The following DNAH8 variants were observed in gnomAD, a reference collection of about 807,000 sequenced individuals.
The protein encoded by DNAH8 is dynein axonemal heavy chain 8.
Under a neutral mutation model 562.1 loss-of-function variants are expected in DNAH8, and 382 were observed. The observed-to-expected ratio is 0.68, with a 90% confidence interval of 0.63 to 0.74. The LOEUF (loss-of-function observed/expected upper bound fraction) is 0.74, where lower values mean the gene tolerates loss of function less well. Among genes scored for constraint, DNAH8 ranks in the 30% least tolerant of loss-of-function variants. DNAH8 has a pLI of 0.00. For synonymous variants in DNAH8, 1,881 were observed against 1,919.4 expected (o/e 0.98, Z 0.52); for missense variants, 5,203 against 5,620.4 (o/e 0.93, Z 2.37).
chr6:38,814,407 C>G (rs1304328643), intron 25 of DNAH8, among the ~76,000 whole-genome samples: 1 of 152,076 alleles, frequency 6.6e-6, no homozygotes, highest in Non-Finnish European at 1.5e-5. Context: ...ATGGTGAAAC[C>G]CCGTCTCCAC....
At chr6:38,760,483 G>A (rs1678678) in intron 10 of DNAH8, among the ~76,000 whole-genome samples, 2 of 145,748 alleles carry the variant, frequency 1.4e-5, no homozygotes, top group Non-Finnish European at 3.0e-5. Context: ...CATTTATCTT[G>A]TTCTACACTT....
chr6:38,794,443 G>A (rs1358828830), intron 21 of DNAH8, among the ~76,000 whole-genome samples: 3 of 151,844 alleles, frequency 2.0e-5, no homozygotes, highest in African/African-American at 7.3e-5. Context: ...CAAATTTTAA[G>A]TGCACCATTC....
At chr6:38,727,742 C>G (rs1279662845) in intron 3 of DNAH8, among the ~76,000 whole-genome samples, 1 of 152,154 alleles carries the variant, frequency 6.6e-6, no homozygotes, top group South Asian at 2.1e-4. Context: ...AGGACCTTGA[C>G]CAATGCAGAT....
intron 57 of DNAH8, among the ~76,000 whole-genome samples, chr6:38,888,977 T>C (rs1451727643): frequency 6.6e-6 from 1 of 152,264 alleles, no homozygotes; most frequent in Non-Finnish European, 1.5e-5. Flanking sequence ...TATTCTTTTA[T>C]GTTTTCTTCC....
intron 49 of DNAH8, among the ~76,000 whole-genome samples, chr6:38,872,096 G>C (rs955226954): frequency 3.9e-5 from 6 of 152,188 alleles, no homozygotes; most frequent in African/African-American, 1.4e-4. Context: ...CATTCATGAT[G>C]TACTTCTGGG....
chr6:39,029,332 A>C (rs920514616), intron 92 of DNAH8, among the ~76,000 whole-genome samples: 1 of 152,142 alleles, frequency 6.6e-6, no homozygotes, highest in Non-Finnish European at 1.5e-5. Context: ...CATCAAGGCC[A>C]TCCCCTCTAC....
intron 41 of DNAH8, among the ~76,000 whole-genome samples, chr6:38,854,344 G>A (rs536540076): frequency 1.3e-5 from 2 of 152,252 alleles, no homozygotes; most frequent in South Asian, 4.1e-4. Flanking sequence ...GGGATAAAAG[G>A]CAAGAGATAT....
intron 91 of DNAH8, among the ~76,000 whole-genome samples, chr6:39,013,631 T>C (rs1238303174): frequency 6.6e-6 from 1 of 152,086 alleles, no homozygotes; most frequent in African/African-American, 2.4e-5. Flanking sequence ...GTGGGCAAGT[T>C]GCTTGAGCCC....
At position 38,737,662 on chromosome 6, in the gene DNAH8, G is replaced by C. The variant is rs552095279; in HGVS notation, c.953-147G>C. On this transcript the variant is annotated intron_variant, in intron 6 of 92. Transcript: ENST00000327475. ...AAAGTATTAGATCTTTAACATTTCA[G>C]TAATTAGAGCTTAAAAGTACACATT... 6.1e-5 allele frequency: 17 copies of C among 278,380 alleles called. No individual in the cohort carries two copies. The East Asian group carries it at 1.4e-3, about 22-fold the overall frequency. The allele number at this position is 278,380 out of a possible 1,614,324, so 17.2% of individuals were successfully genotyped here.
chr6:38,743,915 G>A lies in DNAH8; in HGVS notation c.1293+2028G>A, dbSNP rs1764720099. Among the ~76,000 whole-genome samples the A allele has an allele frequency of 2.0e-5, 3 of 152,108 alleles. No homozygotes were observed. The South Asian group carries it at 6.2e-4, about 32-fold the overall frequency. The stretch of plus-strand genomic sequence containing the variant: ...CTGGGGTGGAATTTCTGGGTCACAT[G>A]TTAACTCTATGCTTAACTTTTTAAG... On this transcript the variant is annotated intron_variant, in intron 8 of 92. Coordinates refer to ENST00000327475, the MANE Select transcript of DNAH8 (RefSeq NM_001206927.2).
intron 10 of DNAH8, among the ~76,000 whole-genome samples, chr6:38,759,676 C>T (rs1325104877): frequency 6.6e-6 from 1 of 152,066 alleles, no homozygotes; most frequent in Non-Finnish European, 1.5e-5. Flanking sequence ...CAAGAACCCC[C>T]CATTCTTGAT....
intron 20 of DNAH8, among the ~76,000 whole-genome samples, chr6:38,791,239 T>C (rs549687910): frequency 1.3e-5 from 2 of 152,306 alleles, no homozygotes; most frequent in Admixed American, 1.3e-4. Flanking sequence ...CCTTCCCAGG[T>C]TGCTTTACTT....
intron 57 of DNAH8, 129 bp from the exon 58 acceptor site, chr6:38,890,523 C>T (rs967016222): frequency 1.5e-6 from 1 of 684,836 alleles, no homozygotes; most frequent in Non-Finnish European, 2.6e-6. Flanking sequence ...CCAGTCTTAG[C>T]TGATCCCTTG....
At chr6:38,987,938 C>A (rs1437614527) in intron 87 of DNAH8, among the ~76,000 whole-genome samples, 1 of 152,162 alleles carries the variant, frequency 6.6e-6, no homozygotes, top group Non-Finnish European at 1.5e-5. Context: ...TGCACAAAAG[C>A]CTCACAGCCC....
intron 77 of DNAH8, 140 bp from the exon 78 acceptor site, chr6:38,937,834 T>C: frequency 1.0e-6 from 1 of 993,742 alleles, no homozygotes; most frequent in South Asian, 1.7e-5. Flanking sequence ...TGTCTTAAGA[T>C]TCTACTGTAC....
At chr6:38,907,327 G>GT (rs34348841) in intron 63 of DNAH8, among the ~76,000 whole-genome samples, 18 of 151,496 alleles carry the variant, frequency 1.2e-4, no homozygotes, top group South Asian at 4.2e-4. Flanking sequence ...GAGTCCAGTG[G>GT]TTTTTTTTTA....
At chr6:38,918,361 A>G (rs1197841913) in intron 70 of DNAH8, among the ~76,000 whole-genome samples, 2 of 152,198 alleles carry the variant, frequency 1.3e-5, no homozygotes, top group African/African-American at 4.8e-5. Flanking sequence ...CCAACATGTT[A>G]ACTTACACAG....
chr6:38,780,625 G>A (rs1768489908), intron 15 of DNAH8, among the ~76,000 whole-genome samples: 2 of 152,140 alleles, frequency 1.3e-5, no homozygotes, highest in South Asian at 4.1e-4. Context: ...TCACTTATAA[G>A]TGGGAGCTAA....
intron 21 of DNAH8, among the ~76,000 whole-genome samples, chr6:38,800,213 A>AT (rs563384958): frequency 0.018 from 2,594 of 144,928 alleles, 169 homozygotes; most frequent in Admixed American, 0.13. Flanking sequence ...ATAAGTGTCT[A>AT]TTTTTTTTTT....
Sources: allele counts gnomAD v4.1 joint callset (sites outside exome capture counted in the v4.1 genomes callset), GRCh38; gene constraint gnomAD v4.1.1; transcripts MANE v1.5; gene names NCBI Gene and HGNC (gene_info 2026-07-23, HGNC 2026-07-21).